PNPT1: variants seen among roughly 807,000 people sequenced by gnomAD.
The protein encoded by PNPT1 is polyribonucleotide nucleotidyltransferase 1, mitochondrial.
Under a neutral mutation model 119.5 loss-of-function variants are expected in PNPT1, and 53 were observed. The observed-to-expected ratio is 0.44, with a 90% CI of 0.36 to 0.56. The LOEUF is 0.56. PNPT1 is among the 20% of genes least tolerant of loss of function. PNPT1 has a pLI of 0.00. For synonymous variants in PNPT1, 357 were observed against 322.1 expected (o/e 1.11, Z -1.16); for missense variants, 948 against 938.5 (o/e 1.01, Z -0.13).
intron 3 of PNPT1, among the ~76,000 whole-genome samples, chr2:55,685,815 G>T (rs1415158368): frequency 6.6e-6 from 1 of 152,124 alleles, no homozygotes; most frequent in African/African-American, 2.4e-5. Flanking sequence ...AAACACCATA[G>T]TATTTGTTTA....
At position 55,640,677 on chromosome 2, in the gene PNPT1, G is replaced by C. The variant is rs1409987281; in HGVS notation, c.2098C>G (p.Pro700Ala). The C allele has an allele frequency of 3.1e-6, 5 of 1,591,296 alleles. No homozygotes were observed. The East Asian group carries it at 8.9e-5, about 28-fold the overall frequency. The change falls in exon 26 of 28, where the codon CCA (proline) becomes GCA (alanine). Residue 700 changes from proline (P) to alanine (A), a missense_variant. Coordinates refer to ENST00000447944, the MANE Select transcript of PNPT1 (RefSeq NM_033109.5). ...RDTGVMVKLY[P>A]NMTAVLLHNT... is the part of the protein sequence containing the mutation. ...TGAAGCAGTACCGCAGTCATATTTGGATATAATTTTACCATTACACCAGTA... is the reference window on the plus strand; with the variant it reads ...TGAAGCAGTACCGCAGTCATATTTGCATATAATTTTACCATTACACCAGTA...
chr2:55,668,678 C>T (rs1696812846), intron 11 of PNPT1, among the ~76,000 whole-genome samples: 1 of 152,184 alleles, frequency 6.6e-6, no homozygotes, highest in African/African-American at 2.4e-5. Flanking sequence ...CAGCTCACCG[C>T]AACCATCGCC....
chr2:55,640,642 T>C lies in PNPT1; in HGVS notation c.2133A>G (p.Gln711=), dbSNP rs758199841. Residue 711 remains glutamine (Q), a synonymous_variant, in exon 26 of 28, where the codon CAA becomes CAG. Transcript: ENST00000447944. ...GTCTTTTTACCTTTCGTTGATCAAG[T>C]TGTGTGTTATGAAGCAGTACCGCAG... ...NMTAVLLHNT[Q]LDQRKIKHPT... 4 of 1,588,800 alleles carry C rather than the reference T, an allele frequency of 2.5e-6. No homozygotes were observed. In the East Asian group the frequency reaches 6.7e-5, roughly 27 times the overall value.
intron 26 of PNPT1, among the ~76,000 whole-genome samples, chr2:55,639,755 G>C (rs961106114): frequency 6.6e-6 from 1 of 152,082 alleles, no homozygotes; most frequent in African/African-American, 2.4e-5. Flanking sequence ...GTCAAATTTT[G>C]TAAGTTTATT....
intron 14 of PNPT1, among the ~76,000 whole-genome samples, 177 bp from the exon 15 acceptor site, chr2:55,660,370 T>A (rs1008146653): frequency 2.6e-5 from 4 of 152,230 alleles, no homozygotes; most frequent in Non-Finnish European, 5.9e-5. Context: ...TGATATTTTC[T>A]TCTGGGGCTT....
At chr2:55,640,488 C>A in intron 26 of PNPT1, 139 bp downstream of exon 26, 1 of 748,300 alleles carries the variant, frequency 1.3e-6, no homozygotes. Flanking sequence ...AAACTTTTTG[C>A]CAGCAGCATC....
At chr2:55,681,271 G>C (rs765955321) in intron 5 of PNPT1, among the ~76,000 whole-genome samples, 1 of 152,144 alleles carries the variant, frequency 6.6e-6, no homozygotes, top group African/African-American at 2.4e-5. Flanking sequence ...GCCGGGTGTA[G>C]TGGCCGGTGC....
At chr2:55,672,497 T>C (rs1007186912) in intron 9 of PNPT1, among the ~76,000 whole-genome samples, 1 of 152,246 alleles carries the variant, frequency 6.6e-6, no homozygotes, top group Non-Finnish European at 1.5e-5. Context: ...CAGTGATTCA[T>C]TTACATTTAC....
At chr2:55,653,088 T>C (rs999972511) in intron 18 of PNPT1, among the ~76,000 whole-genome samples, 3 of 152,202 alleles carry the variant, frequency 2.0e-5, no homozygotes, top group African/African-American at 7.2e-5. Flanking sequence ...CCTCAAGTGA[T>C]CCACCCACCT....
chr2:55,651,903 A>AAC (rs1491232902), intron 18 of PNPT1, among the ~76,000 whole-genome samples: 1 of 149,730 alleles, frequency 6.7e-6, no homozygotes, highest in Non-Finnish European at 1.5e-5. Flanking sequence ...AAAAAAAAAA[A>AAC]ACAATAACCT....
intron 13 of PNPT1, among the ~76,000 whole-genome samples, chr2:55,663,494 G>C (rs1433573833): frequency 6.6e-6 from 1 of 152,162 alleles, no homozygotes; most frequent in African/African-American, 2.4e-5. Flanking sequence ...TTTGGTGAAA[G>C]ACATCAATGT....
intron 8 of PNPT1, among the ~76,000 whole-genome samples, chr2:55,673,958 G>A (rs1559105771): frequency 6.6e-6 from 1 of 151,412 alleles, no homozygotes; most frequent in Non-Finnish European, 1.5e-5. Flanking sequence ...CCTGACCTCA[G>A]GTGATTAACC....
intron 1 of PNPT1, among the ~76,000 whole-genome samples, chr2:55,688,193 C>G (rs1697476206): frequency 6.6e-6 from 1 of 151,938 alleles, no homozygotes; most frequent in Non-Finnish European, 1.5e-5. Flanking sequence ...CATGTGCACA[C>G]CACTACACTT....
Position 55,661,722 on chromosome 2 carries a change from T to C in PNPT1, c.1247+234A>G, listed in dbSNP as rs528233079. Among the ~76,000 whole-genome samples the C allele has an allele frequency of 2.6e-5, 4 of 152,302 alleles. No individual in the cohort carries two copies. The South Asian group carries it at 8.3e-4, about 32-fold the overall frequency. On this transcript the variant is annotated intron_variant, in intron 14 of 27. Transcript: ENST00000447944. Reference sequence around the variant, plus strand: ...TTCTAGAGACAGAGAACAAACTAAATATACTCACATTAAAGAATTAAATGC... The same window carrying C: ...TTCTAGAGACAGAGAACAAACTAAACATACTCACATTAAAGAATTAAATGC...
At position 55,693,635 on chromosome 2, in the gene PNPT1, A is replaced by C. The variant is rs746095297; in HGVS notation, c.161+28T>G. ...CTGGCTGGACAAGACACCTTATGAC[A>C]ATACAGTGAACGCACGTCACTCCTT... On this transcript the variant is annotated intron_variant, in intron 1 of 27. Transcript: ENST00000447944. The C allele has an allele frequency of 6.8e-6, 11 of 1,613,240 alleles. No homozygotes were observed. In the East Asian group the frequency reaches 2.0e-4, roughly 29 times the overall value.
intron 18 of PNPT1, among the ~76,000 whole-genome samples, chr2:55,651,142 C>A (rs1257507862): frequency 1.3e-5 from 2 of 150,648 alleles, no homozygotes; most frequent in Admixed American, 1.3e-4. Flanking sequence ...CCCGGCCGCC[C>A]CTACTGGGAA....
At chr2:55,648,199 T>C (rs1285438147) in intron 18 of PNPT1, among the ~76,000 whole-genome samples, 1 of 152,230 alleles carries the variant, frequency 6.6e-6, no homozygotes, top group African/African-American at 2.4e-5. Flanking sequence ...ATCTTTTGTT[T>C]TCTTTACTCG....
At chr2:55,681,118 A>G (rs1697233185) in intron 5 of PNPT1, among the ~76,000 whole-genome samples, 200 bp from the exon 6 acceptor site, 1 of 152,204 alleles carries the variant, frequency 6.6e-6, no homozygotes. Context: ...TTTAAAAGGG[A>G]AAAACAGGCC....
At chr2:55,674,987 G>T (rs779411533) in intron 8 of PNPT1, among the ~76,000 whole-genome samples, 14 of 152,198 alleles carry the variant, frequency 9.2e-5, no homozygotes, top group Middle Eastern at 3.2e-3. Context: ...GTGGCCAGGT[G>T]TGATGGCTCA....
Sources: allele counts gnomAD v4.1 joint callset (sites outside exome capture counted in the v4.1 genomes callset), GRCh38; gene constraint gnomAD v4.1.1; transcripts MANE v1.5; gene names NCBI Gene and HGNC (gene_info 2026-07-23, HGNC 2026-07-21).